Variants in FBXO4 observed in about 807,000 individuals in gnomAD.
FBXO4 encodes F-box protein 4.
Under a neutral mutation model 43.7 loss-of-function variants are expected in FBXO4, and 36 were observed. The ratio of observed to expected loss-of-function variants is 0.82; its 90% confidence interval spans 0.63 to 1.09. FBXO4 has a LOEUF of 1.09. FBXO4 is among the 50% of genes least tolerant of loss of function. The pLI, the probability that FBXO4 is intolerant of heterozygous loss-of-function variation, is 0.00. For synonymous variants in FBXO4, 180 were observed against 165.6 expected, an observed-to-expected ratio of 1.09 and a Z score of -0.67; for missense variants, 435 against 474.1, an observed-to-expected ratio of 0.92 and a Z score of 0.77.
At chr5:42,039,189 G>A in the FBXO4 span, among the ~76,000 whole-genome samples, 1 of 152,024 alleles carries the variant, frequency 6.6e-6, no homozygotes, top group Non-Finnish European at 1.5e-5. Flanking sequence ...TCTAAGGTGA[G>A]AACAAATAAT....
chr5:42,031,081 C>T, the FBXO4 span, among the ~76,000 whole-genome samples: 14 of 152,104 alleles, frequency 9.2e-5, no homozygotes. Context: ...CTAGAAATAC[C>T]ATTTGACCCA....
Position 41,927,058 on chromosome 5 carries a change from C to A in FBXO4, c.235C>A (p.Leu79Met). 1.2e-6 allele frequency: 2 copies of A among 1,613,518 alleles called. No homozygotes were observed. Among genetic ancestry groups the A allele is most frequent in the Non-Finnish European group, 1.7e-6 (2 of 1,179,776 alleles). Reference protein sequence around the residue: ...YILSFLSPHDLCQLGSTNHYW... With the variant: ...YILSFLSPHDMCQLGSTNHYW... ...TTTGTCCTTTCTTTCACCTCATGAT[C>A]TGTGTCAGTTGGGAAGTACAAATCA... is the stretch of plus-strand genomic sequence containing the variant. The change falls in exon 2 of 7, where the codon CTG becomes ATG. Residue 79 changes from leucine to methionine, a missense_variant. Physicochemically the swap from Leu to Met is conservative, Grantham distance 15. Transcript: ENST00000281623.
chr5:41,997,338 CTATCCCTG>C, the FBXO4 span, among the ~76,000 whole-genome samples: 2 of 152,334 alleles, frequency 1.3e-5, no homozygotes, highest in East Asian at 3.9e-4. Context: ...GTGAGAATCA[CTATCCCTG>C]TGCCTTTCAA....
the FBXO4 span, among the ~76,000 whole-genome samples, chr5:42,038,371 G>C: frequency 6.6e-6 from 1 of 152,102 alleles, no homozygotes; most frequent in Non-Finnish European, 1.5e-5. Flanking sequence ...CAATAAAGGG[G>C]AAAGGACAGT....
the FBXO4 span, among the ~76,000 whole-genome samples, chr5:42,029,611 A>G: frequency 6.6e-6 from 1 of 151,802 alleles, no homozygotes; most frequent in Admixed American, 6.6e-5. Context: ...TAGATTCTGT[A>G]GGTGTGCTTT....
At chr5:41,937,143 A>G (rs1045599471) in intron 5 of FBXO4, among the ~76,000 whole-genome samples, 2 of 152,218 alleles carry the variant, frequency 1.3e-5, no homozygotes, top group African/African-American at 4.8e-5. Context: ...TCTCAAAATT[A>G]TGGAAAGACA....
chr5:41,925,714 T>A (rs988828358), intron 1 of FBXO4, among the ~76,000 whole-genome samples: 1 of 151,284 alleles, frequency 6.6e-6, no homozygotes, highest in African/African-American at 2.4e-5. Flanking sequence ...CCCGAACATC[T>A]CAGGGAAGCA....
chr5:41,966,001 CATGG>C, the FBXO4 span, among the ~76,000 whole-genome samples: 1 of 152,136 alleles, frequency 6.6e-6, no homozygotes, highest in Non-Finnish European at 1.5e-5. Flanking sequence ...TTTGTAGGGA[CATGG>C]ATGAAGCTGG....
At chr5:41,932,978 T>G (rs1183785687) in intron 3 of FBXO4, among the ~76,000 whole-genome samples, 1 of 152,148 alleles carries the variant, frequency 6.6e-6, no homozygotes, top group Non-Finnish European at 1.5e-5. Flanking sequence ...AAGCTAATAT[T>G]TAGCACTTGT....
At chr5:41,961,502 G>A in the FBXO4 span, among the ~76,000 whole-genome samples, 1 of 152,150 alleles carries the variant, frequency 6.6e-6, no homozygotes, top group African/African-American at 2.4e-5. Flanking sequence ...TAGGGCTCAG[G>A]GACCCCTGCT....
the FBXO4 span, among the ~76,000 whole-genome samples, chr5:42,031,020 C>T: frequency 6.6e-6 from 1 of 152,130 alleles, no homozygotes; most frequent in African/African-American, 2.4e-5. Flanking sequence ...GGACTGTAAA[C>T]TAGTTCAACC....
chr5:41,986,134 G>T, the FBXO4 span, among the ~76,000 whole-genome samples: 1 of 152,060 alleles, frequency 6.6e-6, no homozygotes, highest in Non-Finnish European at 1.5e-5. Context: ...ATTGCGTAAG[G>T]CTAGATAAGA....
chr5:42,007,401 G>A, the FBXO4 span, among the ~76,000 whole-genome samples: 1 of 152,006 alleles, frequency 6.6e-6, no homozygotes, highest in African/African-American at 2.4e-5. Flanking sequence ...AATTTAAAAA[G>A]TATTAGCCAT....
chr5:41,945,183 TAAGAA>T (rs1472320742), downstream of FBXO4, among the ~76,000 whole-genome samples: 1 of 152,226 alleles, frequency 6.6e-6, no homozygotes, highest in East Asian at 1.9e-4. Context: ...GAGACCAATC[TAAGAA>T]ACTTTCAATA....
chr5:42,025,627 C>A, the FBXO4 span, among the ~76,000 whole-genome samples: 1 of 151,812 alleles, frequency 6.6e-6, no homozygotes, highest in Non-Finnish European at 1.5e-5. Context: ...AGACGAATGT[C>A]CTGGAGATTT....
At chr5:42,030,224 A>G in the FBXO4 span, among the ~76,000 whole-genome samples, 9 of 152,164 alleles carry the variant, frequency 5.9e-5, no homozygotes, top group African/African-American at 2.2e-4. Context: ...AGGCTACAGT[A>G]ACCAAAACAG....
chr5:42,004,195 C>T, the FBXO4 span, among the ~76,000 whole-genome samples: 1 of 152,186 alleles, frequency 6.6e-6, no homozygotes, highest in African/African-American at 2.4e-5. Flanking sequence ...CCATTTCCTT[C>T]CTCCAATGTC....
At chr5:42,008,832 A>G in the FBXO4 span, among the ~76,000 whole-genome samples, 1 of 152,110 alleles carries the variant, frequency 6.6e-6, no homozygotes, top group Non-Finnish European at 1.5e-5. Context: ...CTGTTCCAAC[A>G]CTGTCCCAGG....
chr5:41,967,749 A>G, the FBXO4 span: 1 of 615,846 alleles, frequency 1.6e-6, no homozygotes, highest in Admixed American at 1.9e-5. Flanking sequence ...CTGGAAAAAC[A>G]GAATTGCAGA....
Sources: allele counts gnomAD v4.1 joint callset (sites outside exome capture counted in the v4.1 genomes callset), GRCh38; gene constraint gnomAD v4.1.1; transcripts MANE v1.5; gene names NCBI Gene and HGNC (gene_info 2026-07-23, HGNC 2026-07-21).